BANP: variants seen among roughly 807,000 people sequenced by gnomAD.
The protein encoded by BANP is BTG3 associated nuclear protein.
BANP carries 11 observed loss-of-function variants against 68.1 expected under a neutral mutation model. The observed-to-expected ratio is 0.16, with a 90% CI of 0.10 to 0.27. The LOEUF (loss-of-function observed/expected upper bound fraction) is 0.27, where lower values mean the gene tolerates loss of function less well. Ranked by LOEUF, BANP falls within the 10% of genes least tolerant of loss-of-function variation. The pLI is 1.00. For missense variants in BANP, 504 were observed against 722.7 expected (o/e 0.70, Z 3.47); for synonymous variants, 329 against 303.2 (o/e 1.09, Z -0.88).
At chr16:88,022,726 T>C (rs2076255849) in intron 7 of BANP, among the ~76,000 whole-genome samples, 1 of 152,202 alleles carries the variant, frequency 6.6e-6, no homozygotes, top group African/African-American at 2.4e-5. Context: ...AGGGCCACGC[T>C]GCCTGAGAAG....
intron 6 of BANP, among the ~76,000 whole-genome samples, chr16:88,010,411 AG>A (rs1465289297): frequency 6.6e-6 from 1 of 152,218 alleles, no homozygotes; most frequent in Non-Finnish European, 1.5e-5. Flanking sequence ...TGGACTTCCC[AG>A]GCAGTAGAAT....
At position 88,041,107 on chromosome 16, in the gene BANP, C is replaced by T. The variant is rs1323833342; in HGVS notation, c.1311+3096C>T. ...CCCCAGCCCCTTTCCTTGTGCTGGG[C>T]TCACACTTGTTGCCGTTCTCCTCCT... On this transcript the variant is annotated intron_variant, in intron 11 of 13. Coordinates refer to ENST00000682872, the MANE Select transcript of BANP (RefSeq NM_001386991.1). Among the ~76,000 whole-genome samples, 5 of 152,364 alleles carry T rather than the reference C, an allele frequency of 3.3e-5. No homozygotes were observed. In the East Asian group the frequency reaches 9.6e-4, roughly 29 times the overall value.
chr16:87,969,281 A>G (rs150174051), intron 1 of BANP, among the ~76,000 whole-genome samples: 2 of 151,924 alleles, frequency 1.3e-5, no homozygotes, highest in African/African-American at 2.4e-5. Flanking sequence ...CTTTGCACAC[A>G]TATGTGAATG....
At chr16:88,054,918 ACT>A (rs2084605448) in intron 11 of BANP, among the ~76,000 whole-genome samples, 1 of 151,856 alleles carries the variant, frequency 6.6e-6, no homozygotes, top group Non-Finnish European at 1.5e-5. Context: ...TTAGTACCAA[ACT>A]CTGTTCCTAG....
chr16:88,007,619 G>A (rs7405195), intron 6 of BANP, among the ~76,000 whole-genome samples: 140,979 of 152,338 alleles, frequency 0.93, 65,459 homozygotes, highest in East Asian at 1. Flanking sequence ...TGTTTTCCTT[G>A]CTTACTAGGA....
At chr16:88,009,877 T>G (rs529443904) in intron 6 of BANP, among the ~76,000 whole-genome samples, 1 of 151,912 alleles carries the variant, frequency 6.6e-6, no homozygotes, top group South Asian at 2.1e-4. Flanking sequence ...GTAGACTGTG[T>G]CTCATTAGAA....
chr16:88,048,639 AAGG>A (rs753707969), intron 11 of BANP, among the ~76,000 whole-genome samples: 7 of 152,016 alleles, frequency 4.6e-5, no homozygotes, highest in Non-Finnish European at 7.4e-5. Flanking sequence ...AGATTAAAGA[AAGG>A]AGGTGGATTC....
intron 8 of BANP, 71 bp downstream of exon 8, chr16:88,027,721 G>T (rs1598602218): frequency 3.8e-6 from 6 of 1,567,600 alleles, no homozygotes; most frequent in Non-Finnish European, 5.2e-6. Context: ...ACCCTCAGGG[G>T]CAGCCAGTGC....
chr16:88,032,271 G>A (rs974925043), intron 8 of BANP, among the ~76,000 whole-genome samples: 2 of 150,258 alleles, frequency 1.3e-5, no homozygotes, highest in Admixed American at 6.7e-5. Flanking sequence ...GTGCCATTTC[G>A]ACTCATTACA....
Position 88,027,601 on chromosome 16 carries a change from C to G in BANP, c.1014C>G (p.Val338=). 1 of 1,613,936 alleles carries G rather than the reference C, an allele frequency of 6.2e-7. No individual in the cohort carries two copies. The highest frequency in any genetic ancestry group is 8.5e-7 in the Non-Finnish European group (1 of 1,179,910). ...RRKQRGQSLA[V]KSFSRRTPNS... ...AGCAGCGGGGCCAGAGCCTGGCGGT[C>G]AAGAGCTTCTCGCGGAGAACGCCCA... The change falls in exon 8 of 14, where the codon GTC becomes GTG. Residue 338 remains valine (V), a synonymous_variant. Coordinates refer to ENST00000682872, the MANE Select transcript of BANP (RefSeq NM_001386991.1).
rs749600691 is a variant in BANP, at chr16:88,004,591, C to G, written c.479+180C>G. On this transcript the variant is annotated intron_variant, in intron 5 of 13. Transcript: ENST00000682872. The surrounding 1 kb of genome is among the most constrained non-coding windows in gnomAD (Gnocchi z 7.0). ...GTCGGGGAGGGCAGGCTGGGCGATG[C>G]TGAATGCTGAGTCCAGCCACACCAG... Among the ~76,000 whole-genome samples, 24 of 152,344 alleles carry G rather than the reference C, an allele frequency of 1.6e-4. No individual in the cohort carries two copies. Among genetic ancestry groups the G allele is most frequent in the Admixed American group, 5.2e-4 (8 of 15,302 alleles).
intron 1 of BANP, among the ~76,000 whole-genome samples, chr16:87,951,845 C>G (rs2056949440): frequency 6.6e-6 from 1 of 152,114 alleles, no homozygotes; most frequent in Admixed American, 6.5e-5. Context: ...GCGGGAAGGA[C>G]CCGGAGCCAC....
At chr16:88,001,835 G>T (rs111719000) in intron 4 of BANP, among the ~76,000 whole-genome samples, 1 of 151,124 alleles carries the variant, frequency 6.6e-6, no homozygotes, top group African/African-American at 2.4e-5. Flanking sequence ...CCTGGCTGTC[G>T]TATGCATTTG....
chr16:88,066,040 C>G lies in BANP; in HGVS notation c.1377+708C>G, dbSNP rs372272406. Among the ~76,000 whole-genome samples, 6 of 152,286 alleles carry G rather than the reference C, an allele frequency of 3.9e-5. No homozygotes were observed. In the East Asian group the frequency reaches 5.8e-4, roughly 15 times the overall value. ...GCTTTTACGAGCCTGGGATAGCGTC[C>G]GAGCAGCCTCTGTCGTCCCACTACT... On this transcript the variant is annotated intron_variant, in intron 12 of 13. Transcript: ENST00000682872.
intron 1 of BANP, among the ~76,000 whole-genome samples, chr16:87,951,759 G>A (rs1371254256): frequency 1.3e-5 from 2 of 151,570 alleles, no homozygotes; most frequent in South Asian, 2.1e-4. Context: ...ACCGCGCCCG[G>A]CGTCCGTTGA....
At chr16:87,973,111 A>G (rs1287514476) in intron 1 of BANP, among the ~76,000 whole-genome samples, 2 of 151,816 alleles carry the variant, frequency 1.3e-5, no homozygotes, top group Admixed American at 6.6e-5. Context: ...TGGTTTTGCT[A>G]TCCTTGGAGG....
At chr16:87,989,894 G>T (rs1355479258) in intron 4 of BANP, among the ~76,000 whole-genome samples, 1 of 128,752 alleles carries the variant, frequency 7.8e-6, no homozygotes, top group African/African-American at 3.0e-5. Flanking sequence ...GGGTGACGGG[G>T]GATGCAGGCC....
intron 7 of BANP, among the ~76,000 whole-genome samples, chr16:88,020,728 G>A (rs1245812912): frequency 2.6e-5 from 4 of 152,326 alleles, no homozygotes; most frequent in East Asian, 3.9e-4. Flanking sequence ...CCTGCTCCTC[G>A]GGGGAGAAGA....
chr16:88,076,570 C>T lies in BANP; in HGVS notation c.1522-20C>T, dbSNP rs768319080. The T allele has an allele frequency of 1.2e-5, 20 of 1,610,058 alleles. No individual in the cohort carries two copies. The highest frequency in any genetic ancestry group is 1.7e-5 in the Non-Finnish European group (20 of 1,178,086). Reference sequence around the variant, plus strand: ...TGCTGGGTATTTTTCTAGAAAGTCCCTCCTTTCTCCCTTTTGCAGACGGCC... The same window carrying T: ...TGCTGGGTATTTTTCTAGAAAGTCCTTCCTTTCTCCCTTTTGCAGACGGCC... On this transcript the variant is annotated intron_variant, in intron 13 of 13. Transcript: ENST00000682872.
Sources: allele counts gnomAD v4.1 joint callset (sites outside exome capture counted in the v4.1 genomes callset), GRCh38; gene constraint gnomAD v4.1.1; non-coding constraint Gnocchi (gnomAD v3.1); transcripts MANE v1.5; gene names NCBI Gene and HGNC (gene_info 2026-07-23, HGNC 2026-07-21).